Variants in PCDHA4 observed in about 807,000 individuals in gnomAD.
The protein encoded by PCDHA4 is protocadherin alpha-4.
A neutral mutation model predicts 61.4 loss-of-function variants in PCDHA4; 49 were observed. The ratio of observed to expected loss-of-function variants is 0.80; its 90% CI spans 0.63 to 1.01. The LOEUF (loss-of-function observed/expected upper bound fraction) is 1.01, where lower values mean the gene tolerates loss of function less well. PCDHA4 is among the 50% of genes least tolerant of loss of function. PCDHA4 has a pLI of 0.00. For synonymous variants in PCDHA4, 590 were observed against 550.3 expected (o/e 1.07, Z -1.01); for missense variants, 1,254 against 1,235.8 (o/e 1.01, Z -0.22).
intron 1 of PCDHA4, chr5:140,829,309 G>T (rs2150165707): frequency 1.2e-6 from 2 of 1,614,252 alleles, no homozygotes; most frequent in South Asian, 1.1e-5. Flanking sequence ...ATTACTACTC[G>T]TTGGTGCTGG....
In PCDHA4 at chr5:140,967,411, A is replaced by T. The variant is rs142102675; in HGVS notation, c.2386-11538A>T. The T allele has an allele frequency of 4.6e-5, 74 of 1,613,220 alleles. No individual in the cohort carries two copies. The African/African-American group carries it at 9.5e-4, about 21-fold the overall frequency. On this transcript the variant is annotated intron_variant, in intron 1 of 3. Coordinates refer to ENST00000530339, the MANE Select transcript of PCDHA4 (RefSeq NM_018907.4). The stretch of plus-strand genomic sequence containing the variant: ...TTGAGCTGGTGCTGCGTAAGGGCCT[A>T]GACCGGGAGCAGGCAGCCTTGCACC...
At chr5:140,945,481 C>T (rs269552) in intron 1 of PCDHA4, among the ~76,000 whole-genome samples, 33,891 of 151,742 alleles carry the variant, frequency 0.22, 4,873 homozygotes, top group African/African-American at 0.41. Flanking sequence ...ACAAAACACC[C>T]CAAATACCCA....
chr5:140,974,553 C>G (rs1554236197), intron 1 of PCDHA4, among the ~76,000 whole-genome samples: 1 of 151,870 alleles, frequency 6.6e-6, no homozygotes, highest in African/African-American at 2.4e-5. Context: ...CTCTTGTTGC[C>G]CAGGCTGGAG....
At chr5:140,842,375 C>T (rs1430792130) in intron 1 of PCDHA4, 3 of 1,609,572 alleles carry the variant, frequency 1.9e-6, no homozygotes, top group Non-Finnish European at 2.6e-6. Flanking sequence ...TGAGATAGCA[C>T]TGACTTCCTT....
At chr5:140,951,426 A>T (rs1282737926) in intron 1 of PCDHA4, among the ~76,000 whole-genome samples, 1 of 152,068 alleles carries the variant, frequency 6.6e-6, no homozygotes, top group Non-Finnish European at 1.5e-5. Flanking sequence ...ACAGTTCCAC[A>T]GGCTGTAGGA....
intron 3 of PCDHA4, among the ~76,000 whole-genome samples, chr5:140,995,481 T>C (rs190039428): frequency 5.9e-5 from 9 of 152,308 alleles, no homozygotes; most frequent in Admixed American, 5.9e-4. Context: ...CATTTAATAT[T>C]TTCAGACTAA....
rs1581685370 is a variant in PCDHA4, at chr5:140,807,503, C to G, written c.316C>G (p.Leu106Val). 6.2e-7 allele frequency: 1 copy of G among 1,613,826 alleles called. No homozygotes were observed. The highest frequency in any genetic ancestry group is 8.5e-7 in the Non-Finnish European group (1 of 1,179,944). Reference sequence around the variant, plus strand: ...GCGGAGCGCGGAGTGCAGCATCCACCTGGAGGTGATCGTAGACAGGCCGCT... The same window carrying G: ...GCGGAGCGCGGAGTGCAGCATCCACGTGGAGGTGATCGTAGACAGGCCGCT... ...CRRSAECSIHLEVIVDRPLQV... is the reference protein window; with the variant it reads ...CRRSAECSIHVEVIVDRPLQV... The change falls in exon 1 of 4, where the codon CTG becomes GTG. Residue 106 changes from leucine to valine, a missense_variant. Coordinates refer to ENST00000530339, the MANE Select transcript of PCDHA4 (RefSeq NM_018907.4).
chr5:140,871,823 C>T (rs900166925), intron 1 of PCDHA4, among the ~76,000 whole-genome samples: 1 of 152,144 alleles, frequency 6.6e-6, no homozygotes, highest in African/African-American at 2.4e-5. Context: ...TACCCATGCC[C>T]CTTCATCTCT....
At chr5:140,857,346 C>T (rs782309251) in intron 1 of PCDHA4, 1 of 1,598,444 alleles carries the variant, frequency 6.3e-7, no homozygotes, top group South Asian at 1.1e-5. Flanking sequence ...GGCTCGCCTC[C>T]GCTGTGGGCC....
At position 140,843,439 on chromosome 5, in the gene PCDHA4, G is replaced by T. The variant is rs2150360020; in HGVS notation, c.2385+33867G>T. The T allele has an allele frequency of 1.9e-6, 3 of 1,596,092 alleles. No homozygotes were observed. In the South Asian group the frequency reaches 3.3e-5, roughly 18 times the overall value. On this transcript the variant is annotated intron_variant, in intron 1 of 3. Transcript: ENST00000530339. ...TGTACCTGATCATCGCCATCTGCGC[G>T]GTATCCAGCCTGCTGGTGCTCACGC...
At chr5:140,829,504 C>T in intron 1 of PCDHA4, 1 of 1,613,582 alleles carries the variant, frequency 6.2e-7, no homozygotes, top group South Asian at 1.1e-5. Context: ...ACCCGCCGGG[C>T]TGCCACATCT....
At chr5:140,975,313 T>C (rs2096662091) in intron 1 of PCDHA4, among the ~76,000 whole-genome samples, 1 of 152,224 alleles carries the variant, frequency 6.6e-6, no homozygotes, top group African/African-American at 2.4e-5. Flanking sequence ...TGTGATTATG[T>C]CAGTCCCATC....
At chr5:140,924,907 A>AT (rs1242980267) in intron 1 of PCDHA4, among the ~76,000 whole-genome samples, 3,369 of 50,932 alleles carry the variant, frequency 0.066, 44 homozygotes, top group African/African-American at 0.099. Context: ...AAAAAAAAAT[A>AT]AAATAAAATA....
intron 1 of PCDHA4, among the ~76,000 whole-genome samples, chr5:140,879,706 A>T (rs2058090742): frequency 6.6e-6 from 1 of 152,246 alleles, no homozygotes; most frequent in African/African-American, 2.4e-5. Context: ...ATTATTTCTC[A>T]GTATTGGAGA....
At chr5:140,925,690 G>GT (rs2082677818) in intron 1 of PCDHA4, among the ~76,000 whole-genome samples, 1 of 149,642 alleles carries the variant, frequency 6.7e-6, no homozygotes, top group African/African-American at 2.5e-5. Flanking sequence ...GCGAGGGTGG[G>GT]TATCTAGCCT....
rs201694939 is a variant in PCDHA4, at chr5:140,830,233, G to A, written c.2385+20661G>A. 38 of 1,613,906 alleles carry A rather than the reference G, an allele frequency of 2.4e-5. No individual in the cohort carries two copies. In the Admixed American group the frequency reaches 4.8e-4, roughly 21 times the overall value. ...CGGTATCCAGCCTGCTGGTCCTCAC[G>A]CTACTGCTGTACACAGCGCTGCGGT... On this transcript the variant is annotated intron_variant, in intron 1 of 3. Transcript: ENST00000530339.
At chr5:140,835,434 A>G (rs2150235683) in intron 1 of PCDHA4, 2 of 1,613,730 alleles carry the variant, frequency 1.2e-6, no homozygotes, top group Non-Finnish European at 1.7e-6. Flanking sequence ...TCCACAGTTG[A>G]CTCTCACTTC....
rs1023630665 is a variant in PCDHA4, at chr5:140,851,206, T to C, written c.2385+41634T>C. 1.3e-5 allele frequency: 15 copies of C among 1,183,670 alleles called. No homozygotes were observed. The African/African-American group carries it at 2.4e-4, about 19-fold the overall frequency. 73.3% of individuals were successfully genotyped at this position (1,183,670 alleles called of 1,614,324 possible). ...ACCAATTTAGTTGTTAGTCATTCAT[T>C]AAACATTAACATCACTATCATTTAT... On this transcript the variant is annotated intron_variant, in intron 1 of 3. Coordinates refer to ENST00000530339, the MANE Select transcript of PCDHA4 (RefSeq NM_018907.4).
rs534595431 is a variant in PCDHA4 at position 140,908,278 on chromosome 5, TG to T, written c.2386-70670del. On this transcript the variant is annotated intron_variant, in intron 1 of 3. Coordinates refer to ENST00000530339, the MANE Select transcript of PCDHA4 (RefSeq NM_018907.4). Reference sequence around the variant, plus strand: ...CATAGGGAACTCCCCATGAGGCCATTGTTGCAAGCTGGGGAAGAGAAGGAAG... The same window carrying T: ...CATAGGGAACTCCCCATGAGGCCATTTTGCAAGCTGGGGAAGAGAAGGAAG... Among the ~76,000 whole-genome samples the T allele has an allele frequency of 1.3e-3, 196 of 152,290 alleles. 1 individual carries two copies. Among genetic ancestry groups the T allele is most frequent in the African/African-American group, 4.6e-3 (191 of 41,570 alleles).
Sources: allele counts gnomAD v4.1 joint callset (sites outside exome capture counted in the v4.1 genomes callset), GRCh38; gene constraint gnomAD v4.1.1; transcripts MANE v1.5; gene names NCBI Gene and HGNC (gene_info 2026-07-23, HGNC 2026-07-21).